ANO4: variants seen among roughly 807,000 people sequenced by gnomAD.
ANO4 encodes anoctamin 4, also known as anoctamin-4.
Under a neutral mutation model 141.9 loss-of-function variants are expected in ANO4, and 69 were observed. The observed-to-expected ratio is 0.49, with a 90% CI of 0.40 to 0.59. The LOEUF (loss-of-function observed/expected upper bound fraction) is 0.59, where lower values mean the gene tolerates loss of function less well. Among genes scored for constraint, ANO4 ranks in the 20% least tolerant of loss-of-function variants. ANO4 has a pLI of 0.00. For missense variants in ANO4, 894 were observed against 1,162.2 expected, an observed-to-expected ratio of 0.77 and a Z score of 3.36; for synonymous variants, 350 against 394.3, an observed-to-expected ratio of 0.89 and a Z score of 1.33.
At chr12:100,801,776 T>C (rs149930026) in intron 1 of ANO4, among the ~76,000 whole-genome samples, 2,512 of 151,436 alleles carry the variant, frequency 0.017, 62 homozygotes, top group African/African-American at 0.058. Context: ...AGGTGGAAAA[T>C]GCAAGGAAAG....
chr12:101,048,154 A>G, intron 13 of ANO4, 187 bp from the exon 14 acceptor site: 3 of 1,021,910 alleles, frequency 2.9e-6, no homozygotes, highest in Non-Finnish European at 2.7e-6. Context: ...TCCTCTATAT[A>G]TGAACTACCT....
intron 14 of ANO4, among the ~76,000 whole-genome samples, chr12:101,062,038 A>T (rs575656421): frequency 6.6e-6 from 1 of 151,826 alleles, no homozygotes; most frequent in Non-Finnish European, 1.5e-5. Flanking sequence ...TTGGTCTTTG[A>T]TGTTGGTGAT....
intron 3 of ANO4, among the ~76,000 whole-genome samples, chr12:100,768,747 T>A (rs7299245): frequency 6.6e-6 from 1 of 152,004 alleles, no homozygotes; most frequent in East Asian, 1.9e-4. Flanking sequence ...CTGAACAACA[T>A]AAAATTTGAT....
intron 5 of ANO4, among the ~76,000 whole-genome samples, chr12:100,944,276 T>C (rs1167667434): frequency 6.6e-6 from 1 of 152,186 alleles, no homozygotes; most frequent in African/African-American, 2.4e-5. Flanking sequence ...CTGCCTGTTG[T>C]ACAGTTGTGC....
chr12:100,934,748 G>A (rs186556977), intron 3 of ANO4, among the ~76,000 whole-genome samples: 1 of 152,208 alleles, frequency 6.6e-6, no homozygotes, highest in East Asian at 1.9e-4. Flanking sequence ...CCATTTGTTT[G>A]TGTCCTCTTT....
chr12:100,787,269 T>G (rs1166279146), intron 3 of ANO4, among the ~76,000 whole-genome samples: 6 of 152,076 alleles, frequency 3.9e-5, no homozygotes, highest in Non-Finnish European at 8.8e-5. Flanking sequence ...GCTTGGGTGG[T>G]CCTTGGAGAA....
rs5800419 is a variant in ANO4 at position 100,725,343 on chromosome 12, C to CTTT, written c.22+7815_22+7817dup. 4.5e-3 allele frequency among the ~76,000 whole-genome samples: 521 copies of CTTT among 114,916 alleles called. 9 individuals are homozygous for CTTT. The highest frequency in any genetic ancestry group is 7.0e-3 in the Non-Finnish European group (406 of 57,678). The allele number at this position is 114,916 out of a possible 152,430, so 75.4% of individuals were successfully genotyped here. On this transcript the variant is annotated intron_variant, in intron 1 of 29. Transcript: ENST00000644049. ...GTGTCTTTGTCAGGGAAATTGGTAT[C>CTTT]TTTTTTTTTTTTTTTTTTTTTGAGA...
intron 22 of ANO4, among the ~76,000 whole-genome samples, chr12:101,103,413 T>C (rs2136979265): frequency 6.6e-6 from 1 of 151,234 alleles, no homozygotes; most frequent in East Asian, 1.9e-4. Context: ...TTTTCATATA[T>C]CCCTAGGTTG....
At chr12:100,727,286 G>A (rs892344187) in intron 1 of ANO4, among the ~76,000 whole-genome samples, 3 of 152,086 alleles carry the variant, frequency 2.0e-5, no homozygotes, top group Non-Finnish European at 4.4e-5. Context: ...CTCATGGTAG[G>A]TTTGTCTGTT....
chr12:100,967,867 A>G (rs2136258588), intron 5 of ANO4, among the ~76,000 whole-genome samples: 1 of 152,336 alleles, frequency 6.6e-6, no homozygotes, highest in African/African-American at 2.4e-5. Flanking sequence ...CCATGGATTT[A>G]TTTAAACTTC....
intron 1 of ANO4, among the ~76,000 whole-genome samples, chr12:100,856,904 A>C (rs2135873133): frequency 6.6e-6 from 1 of 152,138 alleles, no homozygotes; most frequent in East Asian, 1.9e-4. Flanking sequence ...TAAGAGGGAA[A>C]CTTGGCAGGA....
chr12:100,832,536 G>T (rs2036685890), intron 1 of ANO4, among the ~76,000 whole-genome samples: 1 of 151,986 alleles, frequency 6.6e-6, no homozygotes. Flanking sequence ...GAGTCATTCT[G>T]GTTTCTTGGA....
chr12:100,949,387 G>A (rs1409879556), intron 5 of ANO4, among the ~76,000 whole-genome samples: 1 of 152,214 alleles, frequency 6.6e-6, no homozygotes, highest in African/African-American at 2.4e-5. Context: ...ATTACAAGCT[G>A]TGTGCCCTTG....
At chr12:100,792,439 C>A (rs1053755552), upstream of ANO4, among the ~76,000 whole-genome samples, 3 of 152,142 alleles carry the variant, frequency 2.0e-5, no homozygotes, top group Non-Finnish European at 4.4e-5. Flanking sequence ...AGTACTACAC[C>A]AGTTCAACAC....
chr12:100,800,664 G>T (rs990540706), intron 1 of ANO4, among the ~76,000 whole-genome samples: 1 of 152,178 alleles, frequency 6.6e-6, no homozygotes, highest in African/African-American at 2.4e-5. Flanking sequence ...ATGACAATTC[G>T]TGTCTTTGAT....
At chr12:100,796,438 A>G (rs1348335656) in intron 1 of ANO4, among the ~76,000 whole-genome samples, 2 of 152,186 alleles carry the variant, frequency 1.3e-5, no homozygotes, top group East Asian at 3.9e-4. Flanking sequence ...GACATCAGAC[A>G]TATGCCTTTA....
At position 101,027,188 on chromosome 12, in the gene ANO4, G is replaced by A. The variant is rs759530541; in HGVS notation, c.841+7048G>A. Among the ~76,000 whole-genome samples the A allele has an allele frequency of 1.9e-4, 29 of 152,324 alleles. 1 individual carries two copies. The highest frequency in any genetic ancestry group is 3.4e-3 in the Middle Eastern group (1 of 294). On this transcript the variant is annotated intron_variant, in intron 9 of 27. Coordinates refer to ENST00000392977, the MANE Select transcript of ANO4 (RefSeq NM_001286615.2). ...GCAGTGAGTGAGTGTGGTACCCAGC[G>A]TGGGAAACCGTGCTTTTTTCCATGG...
intron 1 of ANO4, among the ~76,000 whole-genome samples, chr12:100,862,519 G>T (rs750430562): frequency 2.0e-5 from 3 of 151,910 alleles, no homozygotes; most frequent in Non-Finnish European, 4.4e-5. Flanking sequence ...ATGGGATTTC[G>T]CCATGTTGAC....
intron 3 of ANO4, among the ~76,000 whole-genome samples, chr12:100,784,960 TTC>T (rs200545759): frequency 2.0e-5 from 3 of 152,006 alleles, no homozygotes; most frequent in African/African-American, 7.2e-5. Flanking sequence ...TCTTCTTCTA[TTC>T]TCTCTCTCTC....
Sources: allele counts gnomAD v4.1 joint callset (sites outside exome capture counted in the v4.1 genomes callset), GRCh38; gene constraint gnomAD v4.1.1; transcripts MANE v1.5; gene names NCBI Gene and HGNC (gene_info 2026-07-23, HGNC 2026-07-21).